NUP133: variants seen among roughly 807,000 people sequenced by gnomAD.
NUP133 encodes nucleoporin 133.
A neutral mutation model predicts 146.2 loss-of-function variants in NUP133; 66 were observed. The ratio of observed to expected loss-of-function variants is 0.45; its 90% confidence interval spans 0.37 to 0.55. The LOEUF (loss-of-function observed/expected upper bound fraction) is 0.55, where lower values mean the gene tolerates loss of function less well. Among genes scored for constraint, NUP133 ranks in the 20% least tolerant of loss-of-function variants. The probability of loss-of-function intolerance (pLI) is 0.00; values close to 1 mark genes in which losing one functional copy is unlikely to be tolerated. For synonymous variants in NUP133, 521 were observed against 498.8 expected (o/e 1.04, Z -0.59); for missense variants, 1,277 against 1,374.8 (o/e 0.93, Z 1.12).
chr1:229,463,227 G>C (rs1467947025), intron 19 of NUP133, among the ~76,000 whole-genome samples: 1 of 152,000 alleles, frequency 6.6e-6, no homozygotes, highest in African/African-American at 2.4e-5. Flanking sequence ...TGTCTCTACT[G>C]AAAAATGAAC....
chr1:229,447,371 A>C (rs1660323789), intron 24 of NUP133, among the ~76,000 whole-genome samples: 1 of 152,186 alleles, frequency 6.6e-6, no homozygotes, highest in Non-Finnish European at 1.5e-5. Context: ...ATAATATCAT[A>C]ATCTTCCTGT....
At chr1:229,453,279 T>A (rs1032938185) in intron 21 of NUP133, among the ~76,000 whole-genome samples, 2 of 152,170 alleles carry the variant, frequency 1.3e-5, no homozygotes, top group Non-Finnish European at 2.9e-5. Context: ...ATAATGGTCA[T>A]TAAGCTAGAC....
In NUP133 at chr1:229,443,990, C is replaced by G. The variant is rs1254916476; in HGVS notation, c.3334+924G>C. Among the ~76,000 whole-genome samples the G allele has an allele frequency of 2.0e-5, 3 of 149,934 alleles. No individual in the cohort carries two copies. The South Asian group carries it at 6.3e-4, about 32-fold the overall frequency. On this transcript the variant is annotated intron_variant, in intron 25 of 25. Transcript: ENST00000261396. ...TACTGGGCTCAAGTGATTCTCCCAC[C>G]TTGGCCTCCCAAAGTGTGAGCCACT... is the stretch of plus-strand genomic sequence containing the variant.
intron 9 of NUP133, 45 bp downstream of exon 9, chr1:229,489,910 A>G (rs776920040): frequency 1.4e-6 from 2 of 1,470,986 alleles, no homozygotes; most frequent in African/African-American, 1.4e-5. Context: ...TTAGAAAAAT[A>G]CTCAACATAT....
At chr1:229,486,600 T>A in intron 10 of NUP133, 72 bp from the exon 11 acceptor site, 2 of 1,413,202 alleles carry the variant, frequency 1.4e-6, no homozygotes, top group East Asian at 2.5e-5. Context: ...GCTACCACCC[T>A]AAGCAGAAAA....
At chr1:229,483,669 C>T (rs1024302199) in intron 12 of NUP133, among the ~76,000 whole-genome samples, 2 of 137,298 alleles carry the variant, frequency 1.5e-5, no homozygotes, top group African/African-American at 5.4e-5. Context: ...CGCGCCACTG[C>T]ACTCTAGCCT....
intron 24 of NUP133, among the ~76,000 whole-genome samples, chr1:229,446,274 T>A (rs1265696626): frequency 6.6e-6 from 1 of 152,092 alleles, no homozygotes; most frequent in East Asian, 1.9e-4. Context: ...CTGGGCGTGG[T>A]GGCGCATGCC....
At position 229,500,769 on chromosome 1, in the gene NUP133, G is replaced by A; in HGVS notation, c.500C>T (p.Ala167Val). Residue 167 changes from alanine (A) to valine (V), a missense_variant, in exon 4 of 26, where the codon GCA becomes GTA. Physicochemically the swap from Ala to Val is moderately conservative, Grantham distance 64. Around this residue, in one of 3 missense-constraint regions of NUP133, gnomAD observed 319 missense variants for 306.9 expected, o/e 1.04. Transcript: ENST00000261396. ...TAAGTCACCTACCTGAGTAGAATGT[G>A]CTTCACCTGAGGGAGAAGAGTAAGA... is the stretch of plus-strand genomic sequence containing the variant. ...ALSYSSPSGE[A>V]HSTQAVAVMV... The A allele has an allele frequency of 6.2e-7, 1 of 1,606,202 alleles. No homozygotes were observed. Among genetic ancestry groups the A allele is most frequent in the Non-Finnish European group, 8.5e-7 (1 of 1,173,452 alleles).
chr1:229,452,461 C>T (rs555475360), intron 22 of NUP133, 64 bp downstream of exon 22: 17 of 1,283,590 alleles, frequency 1.3e-5, no homozygotes, highest in Non-Finnish European at 1.8e-5. Flanking sequence ...TACTACATGG[C>T]CCAACAAACA....
intron 2 of NUP133, among the ~76,000 whole-genome samples, chr1:229,502,467 G>C (rs1220738337): frequency 6.9e-6 from 1 of 144,632 alleles, no homozygotes; most frequent in Non-Finnish European, 1.5e-5. Context: ...GCTGAGGCAA[G>C]AGAATCGCTT....
Position 229,490,117 on chromosome 1 carries a change from AG to A in NUP133, c.1047-16del, listed in dbSNP as rs762977525. ...CCAGCCCATCACTAATCAATAAAAA[AG>A]GAAGATGTAAAGCCTCTCTAAAAAA... On this transcript the variant is annotated splice_polypyrimidine_tract_variant and intron_variant, in intron 8 of 25. Transcript: ENST00000261396. The A allele has an allele frequency of 6.5e-7, 1 of 1,528,570 alleles. No individual in the cohort carries two copies. Among genetic ancestry groups the A allele is most frequent in the African/African-American group, 1.4e-5 (1 of 71,944 alleles). The allele number at this position is 1,528,570 out of a possible 1,614,324, so 94.7% of individuals were successfully genotyped here. A position where few individuals can be genotyped will look rare whatever the true frequency, so the allele number is the denominator to read the frequency against.
chr1:229,479,062 TGACAGA>T (rs566739379), intron 12 of NUP133, among the ~76,000 whole-genome samples: 2 of 152,122 alleles, frequency 1.3e-5, no homozygotes, highest in Non-Finnish European at 2.9e-5. Context: ...TGAAAACAGA[TGACAGA>T]GACAGAGAGA....
At position 229,499,892 on chromosome 1, in the gene NUP133, A is replaced by T; in HGVS notation, c.514-74T>A. 7 of 1,499,624 alleles carry T rather than the reference A, an allele frequency of 4.7e-6. No individual in the cohort carries two copies. The South Asian group carries it at 8.4e-5, about 18-fold the overall frequency. The allele number at this position is 1,499,624 out of a possible 1,614,324, so 92.9% of individuals were successfully genotyped here. ...AAAAACCAGCAGTCTGATGGCAATG[A>T]TACAAAGAAACAGGACAATTTACTA... On this transcript the variant is annotated intron_variant, in intron 4 of 25. Coordinates refer to ENST00000261396, the MANE Select transcript of NUP133 (RefSeq NM_018230.3).
chr1:229,489,342 C>A (rs1661453121), intron 9 of NUP133, among the ~76,000 whole-genome samples: 1 of 152,088 alleles, frequency 6.6e-6, no homozygotes, highest in African/African-American at 2.4e-5. Flanking sequence ...CTTACTTTCA[C>A]CCTGGAATTA....
intron 25 of NUP133, among the ~76,000 whole-genome samples, chr1:229,442,477 A>G (rs943761405): frequency 3.9e-5 from 6 of 152,210 alleles, no homozygotes; most frequent in African/African-American, 7.2e-5. Context: ...TTTCTTCACA[A>G]GTCATCCATA....
chr1:229,464,874 T>G lies in NUP133; in HGVS notation c.2301A>C (p.Ala767=). 1 of 1,613,724 alleles carries G rather than the reference T, an allele frequency of 6.2e-7. No homozygotes were observed. The change falls in exon 18 of 26, where the codon GCA becomes GCC. Residue 767 remains alanine (A), a splice_region_variant and synonymous_variant. Transcript: ENST00000261396. ...EKEPEYVPWT[A]TSGPGGIRTV... is the part of the protein sequence containing the mutation. ...TTCGGATGCCACCAGGACCACTTGT[T>G]GCTGTGAAATTACACAAAATAATAT...
At chr1:229,460,942 T>C (rs959503049) in intron 19 of NUP133, among the ~76,000 whole-genome samples, 173 bp from the exon 20 acceptor site, 6 of 152,202 alleles carry the variant, frequency 3.9e-5, no homozygotes, top group African/African-American at 7.2e-5. Flanking sequence ...GATGTGTACA[T>C]TGTGATTCAG....
At chr1:229,449,035 C>A in intron 24 of NUP133, 91 bp downstream of exon 24, 4 of 987,056 alleles carry the variant, frequency 4.1e-6, no homozygotes, top group Non-Finnish European at 6.4e-6. Flanking sequence ...CGTCTGGTCA[C>A]AGAAGTCTTC....
At chr1:229,492,452 T>C (rs147368594) in intron 8 of NUP133, among the ~76,000 whole-genome samples, 5 of 152,232 alleles carry the variant, frequency 3.3e-5, no homozygotes, top group African/African-American at 1.2e-4. Context: ...ATTAAAAGGG[T>C]GGCAAAGCAC....
Sources: gnomAD v4.1 joint callset for allele counts (sites outside exome capture counted in the v4.1 genomes callset) on GRCh38, gnomAD v4.1.1 for gene constraint, gnomAD v4.1.1 regional missense constraint, MANE v1.5 for transcripts, NCBI Gene and HGNC (gene_info 2026-07-23, HGNC 2026-07-21) for gene names.